PCDHA1: variants seen among roughly 807,000 people sequenced by gnomAD.
PCDHA1 encodes protocadherin alpha-1.
In PCDHA1, 42 loss-of-function variants were observed where a neutral mutation model predicts 61.3. The ratio of observed to expected loss-of-function variants is 0.69; its 90% CI spans 0.54 to 0.89. The LOEUF is 0.89. PCDHA1 is among the 40% of genes least tolerant of loss of function. PCDHA1 has a pLI of 0.00. For synonymous variants in PCDHA1, 610 were observed against 553.8 expected (o/e 1.10, Z -1.43); for missense variants, 1,256 against 1,235.3 (o/e 1.02, Z -0.25).
At position 140,802,942 on chromosome 5, in the gene PCDHA1, C is replaced by G. The variant is rs1187038094; in HGVS notation, c.2394+14258C>G. The G allele has an allele frequency of 5.6e-6, 9 of 1,613,842 alleles. 1 individual carries two copies. In the East Asian group the frequency reaches 1.6e-4, roughly 28 times the overall value. On this transcript the variant is annotated intron_variant, in intron 1 of 3. Transcript: ENST00000504120. ...GGTGGCGCAGTGAGCGAGCTGGTGC[C>G]GCGGTCAGTGGGTGCGGGCCACGTG...
intron 1 of PCDHA1, chr5:140,807,057 TGGAA>T (rs1763836882): frequency 4.6e-6 from 5 of 1,093,530 alleles, no homozygotes; most frequent in Non-Finnish European, 5.3e-6. Flanking sequence ...CTATTCTTAC[TGGAA>T]GGAACCATAT....
At chr5:140,883,038 A>G (rs782789489) in intron 1 of PCDHA1, 3 of 1,614,160 alleles carry the variant, frequency 1.9e-6, no homozygotes, top group East Asian at 2.2e-5. Context: ...AACGCCTTCA[A>G]TGGAACATTA....
rs2150427952 is a variant in PCDHA1 at position 140,848,985 on chromosome 5, G to A, written c.2394+60301G>A. On this transcript the variant is annotated intron_variant, in intron 1 of 3. Transcript: ENST00000504120. ...GGGCGCGTCCGATGCAGATATCGGG[G>A]AGAACGCCCTGCTCACTTACAGACT... is the stretch of plus-strand genomic sequence containing the variant. 9 of 1,598,558 alleles carry A rather than the reference G, an allele frequency of 5.6e-6. 1 individual carries two copies. The highest frequency in any genetic ancestry group is 6.0e-6 in the Non-Finnish European group (7 of 1,170,226).
intron 1 of PCDHA1, among the ~76,000 whole-genome samples, chr5:140,798,345 T>C (rs1762318723): frequency 6.6e-6 from 1 of 152,222 alleles, no homozygotes; most frequent in African/African-American, 2.4e-5. Flanking sequence ...TTCACACTGA[T>C]AACATTTTTG....
chr5:140,995,386 A>G (rs1156268381), intron 3 of PCDHA1, among the ~76,000 whole-genome samples: 1 of 152,202 alleles, frequency 6.6e-6, no homozygotes, highest in Non-Finnish European at 1.5e-5. Context: ...TGGGCAGGAT[A>G]AAGCGGGATG....
intron 1 of PCDHA1, chr5:140,926,761 T>G: frequency 7.6e-7 from 1 of 1,323,628 alleles, no homozygotes; most frequent in East Asian, 2.8e-5. Context: ...TCGCTGAGTA[T>G]CCAGCCCGCA....
intron 1 of PCDHA1, among the ~76,000 whole-genome samples, chr5:140,911,931 T>C (rs1057514341): frequency 1.8e-4 from 28 of 152,134 alleles, no homozygotes; most frequent in African/African-American, 6.8e-4. Context: ...ACTAATAGGA[T>C]AGATGTATAT....
chr5:140,815,428 T>C (rs1337784289), intron 1 of PCDHA1: 3 of 152,136 alleles, frequency 2.0e-5, no homozygotes, highest in Non-Finnish European at 2.9e-5. Context: ...TTTAAACTGA[T>C]AGCATCTTTA....
At chr5:140,825,684 A>AGT in intron 1 of PCDHA1, 1 of 152,240 alleles carries the variant, frequency 6.6e-6, no homozygotes, top group Non-Finnish European at 1.5e-5. Flanking sequence ...GGCCTCCCAA[A>AGT]GTGCTGGGAT....
At position 140,809,028 on chromosome 5, in the gene PCDHA1, G is replaced by C. The variant is rs139851359; in HGVS notation, c.2394+20344G>C. 3.1e-6 allele frequency: 5 copies of C among 1,613,720 alleles called. No individual in the cohort carries two copies. The African/African-American group carries it at 6.7e-5, about 22-fold the overall frequency. On this transcript the variant is annotated intron_variant, in intron 1 of 3. Coordinates refer to ENST00000504120, the MANE Select transcript of PCDHA1 (RefSeq NM_018900.4). ...TGGCTTTCGTACGAGCTGCAGCCGGGGACTGGTGGCGCGCGCATCCCGTTC... is the reference window on the plus strand; with the variant it reads ...TGGCTTTCGTACGAGCTGCAGCCGGCGACTGGTGGCGCGCGCATCCCGTTC...
intron 1 of PCDHA1, chr5:140,829,831 G>A (rs2150175652): frequency 6.2e-7 from 1 of 1,613,918 alleles, no homozygotes; most frequent in Non-Finnish European, 8.5e-7. Context: ...TGAGCGAGCT[G>A]GTGCCGCGGT....
Position 140,787,524 on chromosome 5 carries a change from G to A in PCDHA1, c.1234G>A (p.Ala412Thr), listed in dbSNP as rs1554117857. 1.2e-6 allele frequency: 2 copies of A among 1,614,204 alleles called. No homozygotes were observed. Among genetic ancestry groups the A allele is most frequent in the East Asian group, 4.5e-5 (2 of 44,878 alleles). Residue 412 changes from alanine (A) to threonine (T), a missense_variant, in exon 1 of 4, where the codon GCC (alanine) becomes ACC (threonine). Physicochemically the swap from Ala to Thr is moderately conservative, Grantham distance 58. Coordinates refer to ENST00000504120, the MANE Select transcript of PCDHA1 (RefSeq NM_018900.4). ...KNYYSLVLDS[A>T]LDRESLSVYE... The stretch of plus-strand genomic sequence containing the variant: ...TTACTACTCGTTGGTGTTGGACAGC[G>A]CCCTGGATCGCGAGAGCCTGTCGGT...
rs2150185526 is a variant in PCDHA1, at chr5:140,830,370, C to T, written c.2394+41686C>T. ...CAGCAGAGGCGGCAGAGGGTGTGCT[C>T]CGGGGAGGGCCCACCCAAGATGGAT... is the stretch of plus-strand genomic sequence containing the variant. On this transcript the variant is annotated intron_variant, in intron 1 of 3. Coordinates refer to ENST00000504120, the MANE Select transcript of PCDHA1 (RefSeq NM_018900.4). The T allele has an allele frequency of 1.6e-5, 26 of 1,614,014 alleles. No homozygotes were observed. In the East Asian group the frequency reaches 3.6e-4, roughly 22 times the overall value.
intron 1 of PCDHA1, chr5:140,803,470 T>A (rs1307758444): frequency 6.2e-7 from 1 of 1,613,888 alleles, no homozygotes; most frequent in Admixed American, 1.7e-5. Flanking sequence ...CAGCAGAGGG[T>A]GTGCTCTGGA....
chr5:140,903,402 G>T (rs1293264385), intron 1 of PCDHA1, among the ~76,000 whole-genome samples: 6 of 152,192 alleles, frequency 3.9e-5, no homozygotes, highest in Non-Finnish European at 5.9e-5. Context: ...AAACAGTAGT[G>T]CAGTCAGGAA....
chr5:140,857,878 G>A (rs2044977263), intron 1 of PCDHA1: 5 of 1,597,814 alleles, frequency 3.1e-6, no homozygotes, highest in East Asian at 4.5e-5. Context: ...CGTATGAATT[G>A]CAGTCGGCGG....
At chr5:140,986,981 A>G (rs1180752989) in intron 3 of PCDHA1, among the ~76,000 whole-genome samples, 1 of 152,146 alleles carries the variant, frequency 6.6e-6, no homozygotes, top group Non-Finnish European at 1.5e-5. Flanking sequence ...TGGGAGGCCA[A>G]GGCAGGCAGA....
chr5:140,809,376 G>A (rs1554125172), intron 1 of PCDHA1: 1 of 1,614,034 alleles, frequency 6.2e-7, no homozygotes, highest in South Asian at 1.1e-5. Context: ...CCCACCGAGG[G>A]CGCGTGCGCT....
chr5:140,917,396 G>C (rs928504202), intron 1 of PCDHA1, among the ~76,000 whole-genome samples: 2 of 151,286 alleles, frequency 1.3e-5, no homozygotes, highest in East Asian at 3.9e-4. Flanking sequence ...ATGTGCAGAA[G>C]CTCTTTAGTT....
Sources: allele counts gnomAD v4.1 joint callset (sites outside exome capture counted in the v4.1 genomes callset), GRCh38; gene constraint gnomAD v4.1.1; transcripts MANE v1.5; gene names NCBI Gene and HGNC (gene_info 2026-07-23, HGNC 2026-07-21).